Variants in MTMR7 observed in about 807,000 individuals in gnomAD.
MTMR7 encodes phosphatidylinositol-3-phosphate phosphatase MTMR7.
A neutral mutation model predicts 81.2 loss-of-function variants in MTMR7; 76 were observed. The observed-to-expected ratio is 0.94, with a 90% CI of 0.78 to 1.13. The LOEUF is 1.13. Among genes scored for constraint, MTMR7 ranks in the 50% most tolerant of loss-of-function variants. The pLI is 0.00. For synonymous variants in MTMR7, 372 were observed against 289.8 expected, an observed-to-expected ratio of 1.28 and a Z score of -2.88; for missense variants, 1,044 against 820.0, an observed-to-expected ratio of 1.27 and a Z score of -3.34.
chr8:17,318,264 C>T (rs1282367248), intron 7 of MTMR7, among the ~76,000 whole-genome samples: 1 of 152,096 alleles, frequency 6.6e-6, no homozygotes, highest in Non-Finnish European at 1.5e-5. Context: ...CTGGGAATCT[C>T]ACAGACACCC....
At chr8:17,397,324 G>C (rs1444174075) in intron 1 of MTMR7, among the ~76,000 whole-genome samples, 1 of 152,138 alleles carries the variant, frequency 6.6e-6, no homozygotes, top group Non-Finnish European at 1.5e-5. Context: ...ACCTGCCCTA[G>C]GCTAGAGGGG....
chr8:17,307,515 A>G (rs1157107349), intron 10 of MTMR7, among the ~76,000 whole-genome samples: 2 of 152,142 alleles, frequency 1.3e-5, no homozygotes, highest in African/African-American at 4.8e-5. Context: ...ATACCATTTG[A>G]CCCAGCCATC....
In MTMR7 at chr8:17,348,939, G is replaced by T; in HGVS notation, c.597+14C>A. The T allele has an allele frequency of 6.2e-7, 1 of 1,613,430 alleles. No homozygotes were observed. The highest frequency in any genetic ancestry group is 1.3e-5 in the African/African-American group (1 of 74,848). ...AAAGCAAAGTGTAAAACAAAAACAC[G>T]CCTCGAGACTTACGTGGTTATCTTT... On this transcript the variant is annotated intron_variant, in intron 5 of 13. Transcript: ENST00000180173.
intron 4 of MTMR7, 168 bp from the exon 5 acceptor site, chr8:17,349,249 G>T: frequency 1.5e-6 from 1 of 684,416 alleles, no homozygotes; most frequent in East Asian, 2.7e-5. Context: ...GAGGAAGGAA[G>T]TGCCGCTGAT....
At chr8:17,382,457 CAT>C (rs1820787834) in intron 1 of MTMR7, among the ~76,000 whole-genome samples, 1 of 152,224 alleles carries the variant, frequency 6.6e-6, no homozygotes, top group South Asian at 2.1e-4. Context: ...TTCTGTCTCT[CAT>C]AATTAAGTAT....
chr8:17,378,069 G>A (rs1820643585), intron 1 of MTMR7, among the ~76,000 whole-genome samples: 1 of 152,112 alleles, frequency 6.6e-6, no homozygotes, highest in Non-Finnish European at 1.5e-5. Flanking sequence ...AATAAGGTAT[G>A]CAGATGTTGA....
At chr8:17,304,886 G>A (rs575396710) in intron 11 of MTMR7, among the ~76,000 whole-genome samples, 12 of 152,178 alleles carry the variant, frequency 7.9e-5, no homozygotes, top group African/African-American at 2.9e-4. Flanking sequence ...CTGAGTTGCT[G>A]TGAGCTCTGT....
intron 1 of MTMR7, among the ~76,000 whole-genome samples, chr8:17,379,733 C>T (rs73208996): frequency 0.067 from 10,241 of 152,132 alleles, 411 homozygotes; most frequent in African/African-American, 0.087. Context: ...CACTGTTAGT[C>T]TTTTGGGAAA....
chr8:17,402,097 T>A lies in MTMR7; in HGVS notation c.24+11172A>T, dbSNP rs567192489. On this transcript the variant is annotated intron_variant, in intron 1 of 13. Coordinates refer to ENST00000180173, the MANE Select transcript of MTMR7 (RefSeq NM_004686.5). Reference sequence around the variant, plus strand: ...AATTCTGGAAAATTATTTTTAAAAATTTTTTTAACTTTTCTGAGCACATAG... The same window carrying A: ...AATTCTGGAAAATTATTTTTAAAAAATTTTTTAACTTTTCTGAGCACATAG... 5.3e-5 allele frequency among the ~76,000 whole-genome samples: 8 copies of A among 152,256 alleles called. No individual in the cohort carries two copies. In the East Asian group the frequency reaches 1.4e-3, roughly 26 times the overall value.
chr8:17,351,175 C>A (rs1055859042), intron 4 of MTMR7, among the ~76,000 whole-genome samples: 9 of 152,334 alleles, frequency 5.9e-5, no homozygotes, highest in African/African-American at 1.9e-4. Context: ...AGGTTTTCAG[C>A]AAGTTGGGAA....
intron 1 of MTMR7, among the ~76,000 whole-genome samples, chr8:17,382,291 C>T (rs1585109824): frequency 6.6e-6 from 1 of 152,194 alleles, no homozygotes; most frequent in African/African-American, 2.4e-5. Flanking sequence ...CCAAGCCCAC[C>T]AGCCTGGAGG....
intron 7 of MTMR7, among the ~76,000 whole-genome samples, chr8:17,314,769 G>C (rs1178155675): frequency 2.6e-5 from 4 of 152,176 alleles, no homozygotes; most frequent in Admixed American, 2.6e-4. Context: ...CCAAATGCCT[G>C]CCCTGAGCTA....
At chr8:17,301,621 T>TA (rs1563311705) in intron 13 of MTMR7, 1 of 152,742 alleles carries the variant, frequency 6.5e-6, no homozygotes, top group African/African-American at 2.4e-5. Flanking sequence ...AAGATGTTCA[T>TA]AAACTACATT....
intron 1 of MTMR7, among the ~76,000 whole-genome samples, chr8:17,411,461 C>T (rs1374015554): frequency 1.3e-5 from 2 of 152,168 alleles, no homozygotes; most frequent in African/African-American, 4.8e-5. Flanking sequence ...ACGCTTCCAG[C>T]ACTTAACACA....
chr8:17,376,947 T>C (rs1392672611), intron 1 of MTMR7, among the ~76,000 whole-genome samples: 1 of 152,140 alleles, frequency 6.6e-6, no homozygotes, highest in Non-Finnish European at 1.5e-5. Context: ...GTGTTCCTGC[T>C]ATATGGCCAA....
intron 5 of MTMR7, among the ~76,000 whole-genome samples, chr8:17,342,352 T>C (rs1271843779): frequency 6.6e-6 from 1 of 152,212 alleles, no homozygotes; most frequent in Non-Finnish European, 1.5e-5. Flanking sequence ...ATTGAGACTG[T>C]AAGTCCACAG....
chr8:17,402,425 C>T (rs995560184), intron 1 of MTMR7, among the ~76,000 whole-genome samples: 1 of 152,168 alleles, frequency 6.6e-6, no homozygotes. Flanking sequence ...CCTTCCCCAG[C>T]CTCTGATAAC....
chr8:17,369,641 CTTT>C (rs71212689), intron 3 of MTMR7, among the ~76,000 whole-genome samples: 3 of 106,234 alleles, frequency 2.8e-5, no homozygotes, highest in African/African-American at 1.0e-4. Context: ...TTCTTTTTTT[CTTT>C]TTTTTTTTTT....
intron 6 of MTMR7, among the ~76,000 whole-genome samples, chr8:17,337,101 G>A (rs1346869549): frequency 2.6e-5 from 4 of 152,108 alleles, no homozygotes; most frequent in Non-Finnish European, 5.9e-5. Flanking sequence ...GCTGGGCACC[G>A]TGGCTCACGC....
Sources: allele counts gnomAD v4.1 joint callset (sites outside exome capture counted in the v4.1 genomes callset), GRCh38; gene constraint gnomAD v4.1.1; transcripts MANE v1.5; gene names NCBI Gene and HGNC (gene_info 2026-07-23, HGNC 2026-07-21).